POU2F1: variants seen among roughly 807,000 people sequenced by gnomAD.
The protein encoded by POU2F1 is POU domain, class 2, transcription factor 1.
Under a neutral mutation model 84.9 loss-of-function variants are expected in POU2F1, and 16 were observed. That is an observed-to-expected ratio of 0.19 (90% CI 0.13 to 0.29). The LOEUF is 0.29. POU2F1 is among the 10% of genes least tolerant of loss of function. POU2F1 has a pLI of 1.00. For synonymous variants in POU2F1, 368 were observed against 368.3 expected, an observed-to-expected ratio of 1.00 and a Z score of 0.01; for missense variants, 738 against 942.6, an observed-to-expected ratio of 0.78 and a Z score of 2.84.
intron 1 of POU2F1, among the ~76,000 whole-genome samples, chr1:167,259,951 T>C (rs1651430129): frequency 1.3e-5 from 2 of 152,004 alleles, no homozygotes; most frequent in African/African-American, 4.8e-5. Context: ...CGATCTCAGC[T>C]CACTGCAAGC....
intron 1 of POU2F1, among the ~76,000 whole-genome samples, chr1:167,292,896 A>G (rs972413719): frequency 1.3e-5 from 2 of 152,146 alleles, no homozygotes; most frequent in Non-Finnish European, 2.9e-5. Context: ...CAGAATTACA[A>G]ACAAAAACCA....
chr1:167,303,058 A>G (rs1268473244), intron 1 of POU2F1, among the ~76,000 whole-genome samples: 1 of 152,106 alleles, frequency 6.6e-6, no homozygotes, highest in African/African-American at 2.4e-5. Context: ...TGCTATCTAT[A>G]TCGTCTATCT....
Position 167,421,051 on chromosome 1 carries a change from T to G in POU2F1, c.*5241T>G, listed in dbSNP as rs960089542. 6.6e-6 allele frequency: 1 copy of G among 152,200 alleles called. No individual in the cohort carries two copies. The highest frequency in any genetic ancestry group is 2.4e-5 in the African/African-American group (1 of 41,440). 9.4% of individuals were successfully genotyped at this position (152,200 alleles called of 1,614,324 possible). A position where few individuals can be genotyped will look rare whatever the true frequency, so the allele number is the denominator to read the frequency against. ...CATAACTGATATGAGTTTGCTTTTA[T>G]GTGTGTGTGGAAAGCATTTAATGTG... On this transcript the variant is annotated 3_prime_UTR_variant, in exon 16 of 16. Coordinates refer to ENST00000367866, the MANE Select transcript of POU2F1 (RefSeq NM_002697.4).
chr1:167,241,004 T>C (rs1019408423), intron 1 of POU2F1, among the ~76,000 whole-genome samples: 1 of 151,988 alleles, frequency 6.6e-6, no homozygotes, highest in Admixed American at 6.6e-5. Context: ...TAGCCTGATG[T>C]GGTGGTGCGT....
rs146150701 is a variant in POU2F1 at position 167,363,462 on chromosome 1, T to C, written c.128-2005T>C. ...TAAAATCTCCACAAAGGGACTGATA[T>C]CCTGCATAGAGATAGAGATAACAAC... On this transcript the variant is annotated intron_variant, in intron 2 of 15. Coordinates refer to ENST00000367866, the MANE Select transcript of POU2F1 (RefSeq NM_002697.4). 4.3e-3 allele frequency among the ~76,000 whole-genome samples: 655 copies of C among 152,320 alleles called. 3 individuals are homozygous for C. Among genetic ancestry groups the C allele is most frequent in the African/African-American group, 0.015 (609 of 41,566 alleles).
chr1:167,321,552 G>T (rs1409792638), intron 1 of POU2F1, among the ~76,000 whole-genome samples: 1 of 152,152 alleles, frequency 6.6e-6, no homozygotes, highest in African/African-American at 2.4e-5. Flanking sequence ...GAGAATTCTG[G>T]AGGAAAATGT....
At chr1:167,382,427 A>G (rs1204712088) in intron 7 of POU2F1, among the ~76,000 whole-genome samples, 1 of 152,218 alleles carries the variant, frequency 6.6e-6, no homozygotes, top group East Asian at 1.9e-4. Context: ...GGAAAAGAAA[A>G]GCCAAAGTAG....
intron 1 of POU2F1, among the ~76,000 whole-genome samples, chr1:167,307,458 A>G (rs1356301799): frequency 8.6e-6 from 1 of 116,534 alleles, no homozygotes; most frequent in Non-Finnish European, 1.8e-5. Flanking sequence ...TCAAAGCCAT[A>G]CTAGGATAAC....
At chr1:167,307,326 T>A (rs1655138918) in intron 1 of POU2F1, among the ~76,000 whole-genome samples, 1 of 152,200 alleles carries the variant, frequency 6.6e-6, no homozygotes, top group Admixed American at 6.5e-5. Context: ...GAATACTGTT[T>A]AAATTGTTGC....
chr1:167,318,826 C>G (rs1656104714), intron 1 of POU2F1, among the ~76,000 whole-genome samples: 2 of 152,124 alleles, frequency 1.3e-5, no homozygotes, highest in African/African-American at 4.8e-5. Context: ...TAGTGTATAC[C>G]TCCACTGGGG....
intron 2 of POU2F1, among the ~76,000 whole-genome samples, chr1:167,332,788 T>C (rs936694522): frequency 3.3e-5 from 5 of 152,324 alleles, no homozygotes; most frequent in East Asian, 1.9e-4. Context: ...AACTGTCCTT[T>C]GGGTCAGATA....
At chr1:167,292,479 G>GT (rs1435718947) in intron 1 of POU2F1, among the ~76,000 whole-genome samples, 1 of 146,092 alleles carries the variant, frequency 6.8e-6, no homozygotes, top group Admixed American at 6.8e-5. Context: ...AATTGAATCA[G>GT]TTTAAAAAAA....
chr1:167,314,316 G>A (rs541596347), intron 1 of POU2F1, among the ~76,000 whole-genome samples: 1 of 152,106 alleles, frequency 6.6e-6, no homozygotes, highest in Non-Finnish European at 1.5e-5. Context: ...CTAGGGAAAT[G>A]CAAATTAAGA....
chr1:167,409,833 G>A (rs1489471301), intron 13 of POU2F1, among the ~76,000 whole-genome samples: 1 of 152,176 alleles, frequency 6.6e-6, no homozygotes, highest in Non-Finnish European at 1.5e-5. Context: ...CTTTGAAAGG[G>A]AAGTAGTACC....
chr1:167,299,194 A>T (rs1257447415), intron 1 of POU2F1, among the ~76,000 whole-genome samples: 2 of 150,724 alleles, frequency 1.3e-5, no homozygotes, highest in Non-Finnish European at 3.0e-5. Flanking sequence ...AGAATTATGG[A>T]AAGAAAAGAA....
At chr1:167,242,871 A>G (rs988781459) in intron 1 of POU2F1, among the ~76,000 whole-genome samples, 4 of 152,204 alleles carry the variant, frequency 2.6e-5, no homozygotes, top group South Asian at 2.1e-4. Context: ...CAAAATTCAG[A>G]AAACTATTAA....
chr1:167,374,959 C>T (rs373449448), intron 6 of POU2F1, among the ~76,000 whole-genome samples: 7 of 151,000 alleles, frequency 4.6e-5, no homozygotes, highest in South Asian at 2.1e-4. Flanking sequence ...CCCAGCTACG[C>T]GGGAGGTTGA....
chr1:167,395,659 CG>C (rs1258557592), intron 9 of POU2F1, among the ~76,000 whole-genome samples: 3 of 151,922 alleles, frequency 2.0e-5, no homozygotes, highest in African/African-American at 4.8e-5. Context: ...GACTGGAGTG[CG>C]GTGCCATGAT....
chr1:167,371,026 A>G (rs182509108), intron 4 of POU2F1, among the ~76,000 whole-genome samples: 1 of 152,314 alleles, frequency 6.6e-6, no homozygotes, highest in Admixed American at 6.5e-5. Flanking sequence ...CTAATGACTA[A>G]AGACCTTGGG....
Sources: allele counts gnomAD v4.1 joint callset (sites outside exome capture counted in the v4.1 genomes callset), GRCh38; gene constraint gnomAD v4.1.1; transcripts MANE v1.5; gene names NCBI Gene and HGNC (gene_info 2026-07-23, HGNC 2026-07-21).